The following FMN1 variants were observed in gnomAD, a reference collection of about 807,000 sequenced individuals.
FMN1 encodes the protein formin 1.
A neutral mutation model predicts 132.4 loss-of-function variants in FMN1; 110 were observed. The ratio of observed to expected loss-of-function variants is 0.83; its 90% CI spans 0.71 to 0.97. The LOEUF (loss-of-function observed/expected upper bound fraction) is 0.97, where lower values mean the gene tolerates loss of function less well. Ranked by LOEUF, FMN1 falls within the 50% of genes least tolerant of loss-of-function variation. FMN1 has a pLI of 0.00. For missense variants in FMN1, 1,792 were observed against 1,705.3 expected (o/e 1.05, Z -0.90); for synonymous variants, 722 against 651.7 (o/e 1.11, Z -1.64).
At chr15:32,961,977 A>AACACCCC (rs1456979523) in intron 9 of FMN1, among the ~76,000 whole-genome samples, 1 of 152,034 alleles carries the variant, frequency 6.6e-6, no homozygotes, top group African/African-American at 2.4e-5. Context: ...GTCTACCCTG[A>AACACCCC]ACACCCCATT....
intron 7 of FMN1, 57 bp from the exon 8 acceptor site, chr15:32,969,534 A>T (rs1452117010): frequency 2.6e-6 from 4 of 1,562,362 alleles, no homozygotes; most frequent in Non-Finnish European, 3.5e-6. Flanking sequence ...CAAACTTAAG[A>T]ATTTAGAAAC....
chr15:33,025,536 A>C (rs960330760), intron 6 of FMN1, among the ~76,000 whole-genome samples: 4 of 152,334 alleles, frequency 2.6e-5, no homozygotes, highest in East Asian at 1.9e-4. Context: ...TAAAATGATA[A>C]GCTAAAAACA....
chr15:32,907,115 A>G (rs2060445037), intron 12 of FMN1, among the ~76,000 whole-genome samples: 1 of 152,192 alleles, frequency 6.6e-6, no homozygotes, highest in African/African-American at 2.4e-5. Flanking sequence ...CAATTTTTCC[A>G]CAGGCCAGGG....
At chr15:33,126,223 G>T (rs1387597636) in intron 4 of FMN1, among the ~76,000 whole-genome samples, 6 of 151,382 alleles carry the variant, frequency 4.0e-5, no homozygotes, top group Non-Finnish European at 7.3e-5. Flanking sequence ...AAGACAGAGA[G>T]TTTTCCTAGA....
At chr15:32,876,566 T>G (rs1182302828) in intron 16 of FMN1, among the ~76,000 whole-genome samples, 1 of 152,222 alleles carries the variant, frequency 6.6e-6, no homozygotes, top group African/African-American at 2.4e-5. Context: ...AAGAGCTATA[T>G]GAGAACTCTC....
chr15:33,148,432 T>C (rs1964313850), intron 4 of FMN1, among the ~76,000 whole-genome samples: 1 of 152,212 alleles, frequency 6.6e-6, no homozygotes, highest in East Asian at 1.9e-4. Context: ...TCCCCATTTT[T>C]CTCAACCTGC....
intron 4 of FMN1, among the ~76,000 whole-genome samples, chr15:33,133,805 G>A (rs528851368): frequency 5.5e-4 from 83 of 152,268 alleles, no homozygotes; most frequent in African/African-American, 1.9e-3. Context: ...AATTAGGTGT[G>A]CCGACTTCCA....
At chr15:33,150,028 G>A in intron 4 of FMN1, 1 of 985,420 alleles carries the variant, frequency 1.0e-6, no homozygotes, top group Non-Finnish European at 1.2e-6. Flanking sequence ...ATATCAGGAA[G>A]AACTATGCCT....
intron 5 of FMN1, among the ~76,000 whole-genome samples, chr15:33,075,887 A>G (rs986674423): frequency 1.3e-5 from 2 of 152,214 alleles, no homozygotes; most frequent in East Asian, 1.9e-4. Context: ...ATTAGACTTC[A>G]AAAGTGCTGC....
chr15:32,893,140 A>C (rs11635343), intron 15 of FMN1, among the ~76,000 whole-genome samples: 8,649 of 152,264 alleles, frequency 0.057, 321 homozygotes, highest in African/African-American at 0.085. Flanking sequence ...ATACTAGGAT[A>C]CAGTAGTTTT....
Position 33,144,655 on chromosome 15 carries a change from A to G in FMN1, c.1867+8393T>C, listed in dbSNP as rs1015607528. Among the ~76,000 whole-genome samples the G allele has an allele frequency of 4.2e-3, 606 of 143,960 alleles. 5 individuals carry two copies. The highest frequency in any genetic ancestry group is 0.014 in the African/African-American group (551 of 38,950). 94.4% of individuals were successfully genotyped at this position (143,960 alleles called of 152,430 possible). On this transcript the variant is annotated intron_variant, in intron 4 of 20. Transcript: ENST00000616417. The stretch of plus-strand genomic sequence containing the variant: ...TCCGTCTGAAAAAAAAAAAAAAAAA[A>G]AGAGAAATCCAATATTAACCTACAC...
chr15:33,138,752 C>T lies in FMN1; in HGVS notation c.1867+14296G>A, dbSNP rs541331452. Among the ~76,000 whole-genome samples, 6 of 152,254 alleles carry T rather than the reference C, an allele frequency of 3.9e-5. No homozygotes were observed. In the East Asian group the frequency reaches 7.7e-4, roughly 20 times the overall value. Reference sequence around the variant, plus strand: ...TCAGATATCGGTTCACATCATCATGCTATGTCCCTCCCAGCATGAAGAGAT... The same window carrying T: ...TCAGATATCGGTTCACATCATCATGTTATGTCCCTCCCAGCATGAAGAGAT... On this transcript the variant is annotated intron_variant, in intron 4 of 20. Coordinates refer to ENST00000616417, the MANE Select transcript of FMN1 (RefSeq NM_001277313.2).
chr15:33,002,802 T>C (rs1240457289), intron 7 of FMN1, among the ~76,000 whole-genome samples: 1 of 152,214 alleles, frequency 6.6e-6, no homozygotes, highest in East Asian at 1.9e-4. Context: ...GTTTGCCAAA[T>C]GAAACACTTC....
At chr15:32,915,230 T>G (rs1170843129) in intron 10 of FMN1, among the ~76,000 whole-genome samples, 7 of 152,206 alleles carry the variant, frequency 4.6e-5, no homozygotes, top group Non-Finnish European at 1.0e-4. Flanking sequence ...TCCCATGTCT[T>G]AGTCACCAAA....
At chr15:33,190,824 C>T (rs1966051320) in intron 2 of FMN1, among the ~76,000 whole-genome samples, 1 of 152,154 alleles carries the variant, frequency 6.6e-6, no homozygotes, top group Non-Finnish European at 1.5e-5. Flanking sequence ...TTCTGGCGGT[C>T]CCTGCTACTT....
At chr15:32,977,260 T>C (rs982175015) in intron 7 of FMN1, among the ~76,000 whole-genome samples, 2 of 152,172 alleles carry the variant, frequency 1.3e-5, no homozygotes, top group African/African-American at 4.8e-5. Context: ...CAATAAGAGA[T>C]AGACTAAATC....
intron 6 of FMN1, among the ~76,000 whole-genome samples, chr15:33,018,318 G>C (rs1401167644): frequency 5.9e-5 from 9 of 151,998 alleles, no homozygotes; most frequent in African/African-American, 2.2e-4. Flanking sequence ...GAAGCCTTTA[G>C]GTAGCTTCAG....
At chr15:32,882,509 T>C (rs1348194860) in intron 16 of FMN1, among the ~76,000 whole-genome samples, 1 of 152,218 alleles carries the variant, frequency 6.6e-6, no homozygotes, top group African/African-American at 2.4e-5. Flanking sequence ...TTGTCCACTG[T>C]CTACACTGGT....
chr15:33,060,648 G>C (rs1308331408), intron 6 of FMN1, among the ~76,000 whole-genome samples: 5 of 152,130 alleles, frequency 3.3e-5, no homozygotes, highest in African/African-American at 9.7e-5. Context: ...CAAAAGCTAT[G>C]GTCCTCACAC....
Sources: gnomAD v4.1 joint callset for allele counts (sites outside exome capture counted in the v4.1 genomes callset) on GRCh38, gnomAD v4.1.1 for gene constraint, MANE v1.5 for transcripts, NCBI Gene and HGNC (gene_info 2026-07-23, HGNC 2026-07-21) for gene names.